Variants in BUB1 observed in about 807,000 individuals in gnomAD.
BUB1 encodes BUB1 mitotic checkpoint serine/threonine kinase.
A neutral mutation model predicts 135.2 loss-of-function variants in BUB1; 84 were observed. The ratio of observed to expected loss-of-function variants is 0.62; its 90% CI spans 0.52 to 0.74. The LOEUF is 0.74. BUB1 is among the 30% of genes least tolerant of loss of function. The probability of loss-of-function intolerance (pLI) is 0.00; values close to 1 mark genes in which losing one functional copy is unlikely to be tolerated. For missense variants in BUB1, 1,162 were observed against 1,288.3 expected, an observed-to-expected ratio of 0.90 and a Z score of 1.50; for synonymous variants, 403 against 434.4, an observed-to-expected ratio of 0.93 and a Z score of 0.90.
At chr2:110,650,909 G>T in intron 17 of BUB1, 125 bp from the exon 18 acceptor site, 2 of 832,618 alleles carry the variant, frequency 2.4e-6, no homozygotes, top group African/African-American at 1.7e-5. Context: ...CAGACTAAAA[G>T]TTGATTAAAG....
chr2:110,658,474 A>G lies in BUB1; in HGVS notation c.1452T>C (p.Ser484=), dbSNP rs752049106. 6.2e-7 allele frequency: 1 copy of G among 1,614,146 alleles called. No individual in the cohort carries two copies. The highest frequency in any genetic ancestry group is 8.5e-7 in the Non-Finnish European group (1 of 1,180,012). ...GAGATTGCCATTCATCTTTGTCATCAGAAATATCAGGAAGTGTAGGAGCCT... is the reference window on the plus strand; with the variant it reads ...GAGATTGCCATTCATCTTTGTCATCGGAAATATCAGGAAGTGTAGGAGCCT... ...MFQAPTLPDI[S]DDKDEWQSLD... The change falls in exon 13 of 25, where the codon TCT becomes TCC. Residue 484 remains serine (S), a synonymous_variant. Coordinates refer to ENST00000302759, the MANE Select transcript of BUB1 (RefSeq NM_004336.5).
At chr2:110,670,446 T>G in intron 5 of BUB1, 79 bp downstream of exon 5, 1 of 1,559,884 alleles carries the variant, frequency 6.4e-7, no homozygotes, top group Non-Finnish European at 8.8e-7. Flanking sequence ...CCGGGTTTGT[T>G]TTTTAAAGAA....
Position 110,649,233 on chromosome 2 carries a change from C to A in BUB1, c.2347+1G>T. On this transcript the variant is annotated splice_donor_variant, in intron 19 of 24. Transcript: ENST00000302759. LOFTEE classifies it high-confidence loss of function. Reference sequence around the variant, plus strand: ...AGTTATATTATCCAAATAATTCTTACCCAATTGAAATTCAGTCTTGGGCTT... The same window carrying A: ...AGTTATATTATCCAAATAATTCTTAACCAATTGAAATTCAGTCTTGGGCTT... 2 of 1,603,216 alleles carry A rather than the reference C, an allele frequency of 1.2e-6. No individual in the cohort carries two copies. Among genetic ancestry groups the A allele is most frequent in the Non-Finnish European group, 1.7e-6 (2 of 1,176,794 alleles).
chr2:110,661,725 T>G lies in BUB1; in HGVS notation c.1074A>C (p.Ala358=). 2 of 1,614,086 alleles carry G rather than the reference T, an allele frequency of 1.2e-6. No individual in the cohort carries two copies. Among genetic ancestry groups the G allele is most frequent in the Non-Finnish European group, 1.7e-6 (2 of 1,180,018 alleles). Residue 358 remains alanine, a synonymous_variant, in exon 10 of 25, where the codon GCA becomes GCC. Transcript: ENST00000302759. ...PVNMEKNPRE[A]PPVVPPLANA... ...TTGCCAAAGGAGGAACAACAGGAGGTGCCTCTCTTGGGTTCTTTTCCATGT... is the reference window on the plus strand; with the variant it reads ...TTGCCAAAGGAGGAACAACAGGAGGGGCCTCTCTTGGGTTCTTTTCCATGT...
chr2:110,652,948 A>G (rs998420025), intron 17 of BUB1, among the ~76,000 whole-genome samples: 1 of 152,224 alleles, frequency 6.6e-6, no homozygotes, highest in African/African-American at 2.4e-5. Context: ...GTCAAAACTA[A>G]TAAACCAACA....
chr2:110,655,130 T>C (rs1398420840), intron 16 of BUB1, among the ~76,000 whole-genome samples: 2 of 152,184 alleles, frequency 1.3e-5, no homozygotes, highest in Non-Finnish European at 2.9e-5. Context: ...AATTCAGATA[T>C]ATGATGAATT....
At chr2:110,667,158 A>T (rs1021436773) in intron 8 of BUB1, among the ~76,000 whole-genome samples, 2 of 152,246 alleles carry the variant, frequency 1.3e-5, no homozygotes, top group Admixed American at 6.5e-5. Context: ...ATACTGAAAA[A>T]TTTTTAAATA....
At chr2:110,649,806 T>C (rs186931595) in intron 18 of BUB1, among the ~76,000 whole-genome samples, 101 of 152,332 alleles carry the variant, frequency 6.6e-4, no homozygotes, top group Middle Eastern at 3.4e-3. Flanking sequence ...CTATGTGCAA[T>C]TTGCATATAT....
chr2:110,653,669 A>G, intron 16 of BUB1, 146 bp from the exon 17 acceptor site: 1 of 704,410 alleles, frequency 1.4e-6, no homozygotes, highest in East Asian at 2.8e-5. Context: ...TGTAAAATGT[A>G]TAATAAGATT....
In BUB1 at chr2:110,672,823, T is replaced by A. The variant is rs1328354320; in HGVS notation, c.260A>T (p.Glu87Val). The change falls in exon 4 of 25, where the codon GAG (glutamate) becomes GTG (valine). Residue 87 changes from glutamate to valine, a missense_variant. Coordinates refer to ENST00000302759, the MANE Select transcript of BUB1 (RefSeq NM_004336.5). ...TCCAATCCCATGGTTGTACAGAAAC[T>A]CAAAAAATTGATGGAGGTCACTGTT... ...EYNSDLHQFF[E>V]FLYNHGIGTL... is the part of the protein sequence containing the mutation. 1.9e-6 allele frequency: 3 copies of A among 1,606,534 alleles called. No homozygotes were observed. Among genetic ancestry groups the A allele is most frequent in the South Asian group, 2.2e-5 (2 of 89,636 alleles).
In BUB1 at chr2:110,657,089, C is replaced by A. The variant is rs1186352554; in HGVS notation, c.1645G>T (p.Gly549Ter). ...GAGCGTTCTCCAAAGGTCCTGGCTC[C>A]TGTGGGTTTATTTTTAGGCTGTGGT... ...GLPQPKNKPT[G>*]ARTFGERSVS... is the part of the protein sequence containing the mutation. Residue 549 changes from glycine (G) to a stop codon, truncating the protein, a stop_gained, in exon 15 of 25, where the codon GGA becomes TGA. Coordinates refer to ENST00000302759, the MANE Select transcript of BUB1 (RefSeq NM_004336.5). LOFTEE classifies it high-confidence loss of function. 1 of 1,612,938 alleles carries A rather than the reference C, an allele frequency of 6.2e-7. No individual in the cohort carries two copies. Among genetic ancestry groups the A allele is most frequent in the Non-Finnish European group, 8.5e-7 (1 of 1,179,496 alleles).
At chr2:110,677,867 G>C (rs1057029672) in intron 1 of BUB1, 103 bp downstream of exon 1, 3 of 1,367,190 alleles carry the variant, frequency 2.2e-6, no homozygotes, top group African/African-American at 1.5e-5. Flanking sequence ...AACCCAGGAA[G>C]GGGGCGAAGG....
chr2:110,676,597 A>G (rs1464257007), intron 1 of BUB1: 1 of 152,202 alleles, frequency 6.6e-6, no homozygotes, highest in Non-Finnish European at 1.5e-5. Flanking sequence ...TGCTTAGATC[A>G]ATTAGGGTAC....
In BUB1 at chr2:110,641,240, G is replaced by A. The variant is rs1467056688; in HGVS notation, c.2784-35C>T. On this transcript the variant is annotated intron_variant, in intron 22 of 24. Transcript: ENST00000302759. Reference sequence around the variant, plus strand: ...ACACAAACAAAGCCAGGCTGCATGAGCACAAATGATGAAAGGCTGCTATGG... The same window carrying A: ...ACACAAACAAAGCCAGGCTGCATGAACACAAATGATGAAAGGCTGCTATGG... 2.5e-6 allele frequency: 4 copies of A among 1,586,288 alleles called. No homozygotes were observed. In the South Asian group the frequency reaches 4.6e-5, roughly 18 times the overall value.
At chr2:110,665,096 G>A (rs1397553252) in intron 9 of BUB1, among the ~76,000 whole-genome samples, 1 of 152,226 alleles carries the variant, frequency 6.6e-6, no homozygotes, top group African/African-American at 2.4e-5. Context: ...AGGTATGACA[G>A]AAGACTATGC....
chr2:110,659,402 T>A (rs893010079), intron 11 of BUB1, among the ~76,000 whole-genome samples: 20 of 152,142 alleles, frequency 1.3e-4, no homozygotes, highest in Non-Finnish European at 2.6e-4. Context: ...GGGTGGAGAT[T>A]TTTTGTTCAT....
At chr2:110,640,744 C>T (rs1689479905) in intron 23 of BUB1, among the ~76,000 whole-genome samples, 2 of 152,186 alleles carry the variant, frequency 1.3e-5, no homozygotes, top group Admixed American at 6.5e-5. Flanking sequence ...TGCTGCATGA[C>T]TTCCTTTCTG....
chr2:110,668,474 T>C (rs569745162), intron 6 of BUB1, among the ~76,000 whole-genome samples: 54 of 152,186 alleles, frequency 3.5e-4, no homozygotes, highest in Non-Finnish European at 6.9e-4. Context: ...ATATTCTACT[T>C]CTAAGAATGT....
chr2:110,649,361 G>A lies in BUB1; in HGVS notation c.2220C>T (p.Asn740=). ...TGAAAATCAGCTTATCATCCCATGG[G>A]TTCCCAACAATGAAGTCTTAAAGGA... ...TVDAPNFIVG[N]PWDDKLIFKL... is the part of the protein sequence containing the mutation. Residue 740 remains asparagine, a synonymous_variant, in exon 19 of 25, where the codon AAC becomes AAT. Coordinates refer to ENST00000302759, the MANE Select transcript of BUB1 (RefSeq NM_004336.5). The A allele has an allele frequency of 6.3e-7, 1 of 1,592,662 alleles. No homozygotes were observed. The highest frequency in any genetic ancestry group is 8.5e-7 in the Non-Finnish European group (1 of 1,171,162).
Sources: gnomAD v4.1 joint callset for allele counts (sites outside exome capture counted in the v4.1 genomes callset) on GRCh38, gnomAD v4.1.1 for gene constraint, MANE v1.5 for transcripts, NCBI Gene and HGNC (gene_info 2026-07-23, HGNC 2026-07-21) for gene names.